RSPH6A: variants seen among roughly 807,000 people sequenced by gnomAD.
RSPH6A encodes radial spoke head protein 6 homolog A.
Under a neutral mutation model 66.1 loss-of-function variants are expected in RSPH6A, and 49 were observed. The observed-to-expected ratio is 0.74, with a 90% CI of 0.59 to 0.94. RSPH6A has a LOEUF of 0.94. RSPH6A is among the 40% of genes least tolerant of loss of function. RSPH6A has a pLI of 0.00. For synonymous variants in RSPH6A, 419 were observed against 402.4 expected, an observed-to-expected ratio of 1.04 and a Z score of -0.49; for missense variants, 977 against 948.3, an observed-to-expected ratio of 1.03 and a Z score of -0.40.
chr19:45,796,055 G>A lies in RSPH6A; in HGVS notation c.1968C>T (p.Ser656=). ...TGGGGGCTGGCAGGGCCGGGTTGAA[G>A]CTCTCGGGGCTGTACTTGTGACCCC... ...IGWGHKYSPE[S]FNPALPAPIQ... The change falls in exon 6 of 6, where the codon AGC becomes AGT. Residue 656 remains serine (S), a synonymous_variant. Transcript: ENST00000221538. The A allele has an allele frequency of 6.2e-7, 1 of 1,611,810 alleles. No individual in the cohort carries two copies.
intron 2 of RSPH6A, among the ~76,000 whole-genome samples, chr19:45,806,088 C>T (rs1970539344): frequency 1.3e-5 from 2 of 152,188 alleles, no homozygotes; most frequent in South Asian, 4.1e-4. Flanking sequence ...ATTTCTGTGA[C>T]TTGAGGCCCA....
At chr19:45,814,455 G>A (rs1970673481) in intron 1 of RSPH6A, 72 bp downstream of exon 1, 4 of 1,376,656 alleles carry the variant, frequency 2.9e-6, no homozygotes, top group Non-Finnish European at 3.9e-6. Flanking sequence ...CTGACTGACT[G>A]AGGCAGGCAC....
rs921792674 is a variant in RSPH6A, at chr19:45,796,802, C to G, written c.1917-696G>C. On this transcript the variant is annotated intron_variant, in intron 5 of 5. Transcript: ENST00000221538. The stretch of plus-strand genomic sequence containing the variant: ...TGCTGGGATCACAGGCATGAGCCAC[C>G]ATGCCTGGCCTAATTTTTGTATTTT... Among the ~76,000 whole-genome samples, 12 of 152,066 alleles carry G rather than the reference C, an allele frequency of 7.9e-5. 1 individual carries two copies. The highest frequency in any genetic ancestry group is 3.3e-4 in the Admixed American group (5 of 15,260).
At chr19:45,799,230 G>A (rs1190379057) in intron 5 of RSPH6A, among the ~76,000 whole-genome samples, 3 of 152,066 alleles carry the variant, frequency 2.0e-5, no homozygotes, top group Non-Finnish European at 4.4e-5. Flanking sequence ...GCTGGTAGGT[G>A]CGCCCACCTC....
rs200942057 is a variant in RSPH6A at position 45,804,220 on chromosome 19, C to T, written c.1653+32G>A. On this transcript the variant is annotated intron_variant, in intron 3 of 5. Transcript: ENST00000221538. The surrounding 1 kb of genome is among the most constrained non-coding windows in gnomAD (Gnocchi z 5.8). ...TCATGCGTGAGCCCCCTGCTCCTGCCGTTTGTGAGAGGCGGGAGTCCCGGC... is the reference window on the plus strand; with the variant it reads ...TCATGCGTGAGCCCCCTGCTCCTGCTGTTTGTGAGAGGCGGGAGTCCCGGC... 9.6e-6 allele frequency: 15 copies of T among 1,564,664 alleles called. No individual in the cohort carries two copies. Among genetic ancestry groups the T allele is most frequent in the South Asian group, 4.6e-5 (4 of 86,234 alleles).
At chr19:45,802,045 A>G in intron 4 of RSPH6A, 75 bp downstream of exon 4, 1 of 1,321,080 alleles carries the variant, frequency 7.6e-7, no homozygotes, top group Non-Finnish European at 9.8e-7. Flanking sequence ...GATGGACCCC[A>G]GCAGTCCAGC....
rs372215678 is a variant in RSPH6A, at chr19:45,803,693, GA to G, written c.1653+558del. 1.4e-3 allele frequency among the ~76,000 whole-genome samples: 186 copies of G among 136,030 alleles called. 1 individual carries two copies. Among genetic ancestry groups the G allele is most frequent in the Middle Eastern group, 3.8e-3 (1 of 264 alleles). The allele number at this position is 136,030 out of a possible 152,430, so 89.2% of individuals were successfully genotyped here. ...ATTCTGTCTCAAAAAGAAAAGAAAA[GA>G]AAAAAAAAAAAAACCAGCCAGGGCG... On this transcript the variant is annotated intron_variant, in intron 3 of 5. Coordinates refer to ENST00000221538, the MANE Select transcript of RSPH6A (RefSeq NM_030785.4).
intron 2 of RSPH6A, 123 bp downstream of exon 2, chr19:45,810,480 T>G: frequency 1.1e-6 from 1 of 922,216 alleles, no homozygotes; most frequent in Non-Finnish European, 1.7e-6. Flanking sequence ...AAGACTGAAG[T>G]TGTTTTGTGA....
At chr19:45,799,455 G>C (rs1462881573) in intron 5 of RSPH6A, among the ~76,000 whole-genome samples, 1 of 152,206 alleles carries the variant, frequency 6.6e-6, no homozygotes, top group Non-Finnish European at 1.5e-5. Context: ...TCGATCTCCT[G>C]GGCTCAAGCA....
chr19:45,795,906 C>CCCT lies in RSPH6A; in HGVS notation c.2114_2116dup (p.Glu705dup), dbSNP rs750552255. ...CTCCTCGCCCTCCTCCTCCTCCTCG[C>CCCT]CCTCCTCCTCCTCCTCTGTGGCTCC... On this transcript the variant is annotated inframe_insertion, in exon 6 of 6. Transcript: ENST00000221538. The CCCT allele has an allele frequency of 6.9e-6, 11 of 1,584,720 alleles. No homozygotes were observed. The highest frequency in any genetic ancestry group is 2.7e-5 in the African/African-American group (2 of 73,998).
intron 2 of RSPH6A, among the ~76,000 whole-genome samples, chr19:45,806,939 G>A (rs964699211): frequency 1.3e-5 from 2 of 151,532 alleles, no homozygotes; most frequent in African/African-American, 4.8e-5. Context: ...CTGTCACCCA[G>A]GCTGGAGTGC....
At position 45,804,698 on chromosome 19, in the gene RSPH6A, C is replaced by T. The variant is rs1450829366; in HGVS notation, c.1207G>A (p.Val403Ile). ...GGCGGCTTCCATACGGACTTAGGGACGATGTCCACGGCCTTCTCCTCGTCC... is the reference window on the plus strand; with the variant it reads ...GGCGGCTTCCATACGGACTTAGGGATGATGTCCACGGCCTTCTCCTCGTCC... Reference protein sequence around the residue: ...EEDEEKAVDIVPKSVWKPPPV... With the variant: ...EEDEEKAVDIIPKSVWKPPPV... The change falls in exon 3 of 6, where the codon GTC (valine) becomes ATC (isoleucine). Residue 403 changes from valine to isoleucine, a missense_variant. Val to Ile is a conservative substitution (Grantham distance 29). Coordinates refer to ENST00000221538, the MANE Select transcript of RSPH6A (RefSeq NM_030785.4). The surrounding 1 kb of genome is among the most constrained non-coding windows in gnomAD (Gnocchi z 5.8). The T allele has an allele frequency of 5.6e-6, 9 of 1,613,878 alleles. No individual in the cohort carries two copies. Among genetic ancestry groups the T allele is most frequent in the African/African-American group, 1.3e-5 (1 of 74,842 alleles).
chr19:45,795,884 C>CTCGCCCTCCTCCTCCTCG lies in RSPH6A; in HGVS notation c.2138_2139insCGAGGAGGAGGAGGGCGA (p.Gly712_Glu713insAspGluGluGluGluGly). 1 of 1,608,664 alleles carries CTCGCCCTCCTCCTCCTCG rather than the reference C, an allele frequency of 6.2e-7. No individual in the cohort carries two copies. On this transcript the variant is annotated inframe_insertion, in exon 6 of 6. Coordinates refer to ENST00000221538, the MANE Select transcript of RSPH6A (RefSeq NM_030785.4). ...AGGGTGGGCCTCAGTCATCTGTCTC[C>CTCGCCCTCCTCCTCCTCG]TCGCCCTCCTCCTCCTCCTCGCCCT...
rs1970404806 is a variant in RSPH6A, at chr19:45,796,021, C to T, written c.2002G>A (p.Glu668Lys). 6.2e-7 allele frequency: 1 copy of T among 1,613,790 alleles called. No individual in the cohort carries two copies. The change falls in exon 6 of 6, where the codon GAG (glutamate) becomes AAG (lysine). Residue 668 changes from glutamate to lysine, a missense_variant. Transcript: ENST00000221538. Reference sequence around the variant, plus strand: ...ATGATCTCTGGGCCACTGGGGTACTCTTGTTGAATGGGGGCTGGCAGGGCC... The same window carrying T: ...ATGATCTCTGGGCCACTGGGGTACTTTTGTTGAATGGGGGCTGGCAGGGCC... ...NPALPAPIQQ[E>K]YPSGPEIMEM...
At chr19:45,796,219 T>C in intron 5 of RSPH6A, 113 bp from the exon 6 acceptor site, 1 of 772,102 alleles carries the variant, frequency 1.3e-6, no homozygotes, top group Non-Finnish European at 1.9e-6. Flanking sequence ...AGTGGTGTGA[T>C]CTCGACTTAC....
Position 45,795,910 on chromosome 19 carries a change from C to G in RSPH6A, c.2113G>C (p.Glu705Gln), listed in dbSNP as rs372105700. 4.3e-6 allele frequency: 7 copies of G among 1,612,750 alleles called. No homozygotes were observed. The highest frequency in any genetic ancestry group is 4.2e-6 in the Non-Finnish European group (5 of 1,179,326). ...TCGCCCTCCTCCTCCTCCTCGCCCT[C>G]CTCCTCCTCCTCTGTGGCTCCCAGG... ...QALGATEEEE[E>Q]GEEEEEGEET... The change falls in exon 6 of 6, where the codon GAG becomes CAG. Residue 705 changes from glutamate (E) to glutamine (Q), a missense_variant. Glu to Gln is a conservative substitution (Grantham distance 29). Transcript: ENST00000221538.
chr19:45,812,973 G>A (rs1475080045), intron 1 of RSPH6A, among the ~76,000 whole-genome samples: 3 of 152,096 alleles, frequency 2.0e-5, no homozygotes, highest in Admixed American at 1.3e-4. Context: ...TGGGATCACA[G>A]GCATGAGCAA....
intron 1 of RSPH6A, among the ~76,000 whole-genome samples, chr19:45,812,655 A>C (rs1316983791): frequency 6.6e-6 from 1 of 151,972 alleles, no homozygotes. Context: ...ACTAGAAATC[A>C]AGTTTGGTCA....
In RSPH6A at chr19:45,814,982, T is replaced by C. The variant is rs772309204; in HGVS notation, c.195A>G (p.Gln65=). 1.1e-5 allele frequency: 18 copies of C among 1,613,960 alleles called. No homozygotes were observed. Among genetic ancestry groups the C allele is most frequent in the South Asian group, 8.8e-5 (8 of 91,076 alleles). ...PGWSQRGSLS[Q]QENLLMPQVF... is the part of the protein sequence containing the mutation. ...CCTGGGGCATCAGCAAGTTCTCCTGTTGGGACAGGCTGCCCCTCTGTGACC... is the reference window on the plus strand; with the variant it reads ...CCTGGGGCATCAGCAAGTTCTCCTGCTGGGACAGGCTGCCCCTCTGTGACC... Residue 65 remains glutamine (Q), a synonymous_variant, in exon 1 of 6, where the codon CAA becomes CAG. Coordinates refer to ENST00000221538, the MANE Select transcript of RSPH6A (RefSeq NM_030785.4).
Sources: allele counts gnomAD v4.1 joint callset (sites outside exome capture counted in the v4.1 genomes callset), GRCh38; gene constraint gnomAD v4.1.1; non-coding constraint Gnocchi (gnomAD v3.1); transcripts MANE v1.5; gene names NCBI Gene and HGNC (gene_info 2026-07-23, HGNC 2026-07-21).